Variants in EDIL3 observed in about 807,000 individuals in gnomAD.
EDIL3 encodes the protein EGF like and discoidin domains 3, also known as EGF-like repeat and discoidin I-like domain-containing protein 3.
In EDIL3, 37 loss-of-function variants were observed where a neutral mutation model predicts 67.4. The ratio of observed to expected loss-of-function variants is 0.55; its 90% CI spans 0.42 to 0.72. EDIL3 has a LOEUF of 0.72. EDIL3 is among the 30% of genes least tolerant of loss of function. The probability of loss-of-function intolerance (pLI) is 0.00; values close to 1 mark genes in which losing one functional copy is unlikely to be tolerated. For missense variants in EDIL3, 527 were observed against 586.3 expected, an observed-to-expected ratio of 0.90 and a Z score of 1.04; for synonymous variants, 195 against 196.3, an observed-to-expected ratio of 0.99 and a Z score of 0.05.
At chr5:84,101,779 C>T (rs1405849182) in intron 6 of EDIL3, among the ~76,000 whole-genome samples, 2 of 151,990 alleles carry the variant, frequency 1.3e-5, no homozygotes, top group Non-Finnish European at 2.9e-5. Flanking sequence ...AACACTACTC[C>T]AAACAATCGA....
intron 1 of EDIL3, among the ~76,000 whole-genome samples, chr5:84,346,891 T>C (rs1747250992): frequency 6.6e-6 from 1 of 152,234 alleles, no homozygotes; most frequent in Non-Finnish European, 1.5e-5. Flanking sequence ...TCAATCCTGA[T>C]GGCATATTAC....
intron 10 of EDIL3, among the ~76,000 whole-genome samples, chr5:83,944,437 C>CACT (rs1361812478): frequency 6.9e-6 from 1 of 145,086 alleles, no homozygotes; most frequent in Non-Finnish European, 1.5e-5. Flanking sequence ...TTACTATGGC[C>CACT]ACTTGCTCTT....
intron 5 of EDIL3, among the ~76,000 whole-genome samples, chr5:84,120,203 G>C (rs1195884555): frequency 1.3e-5 from 2 of 151,992 alleles, no homozygotes; most frequent in Non-Finnish European, 2.9e-5. Context: ...AAAAATTTCA[G>C]GTGGTACAAT....
chr5:84,227,536 T>C (rs1445670240), intron 3 of EDIL3, among the ~76,000 whole-genome samples: 2 of 152,136 alleles, frequency 1.3e-5, no homozygotes, highest in East Asian at 3.9e-4. Context: ...CCAAAGAACT[T>C]AAAACAGAGC....
chr5:84,172,993 C>A (rs566552036), intron 4 of EDIL3, among the ~76,000 whole-genome samples: 2 of 152,286 alleles, frequency 1.3e-5, no homozygotes, highest in South Asian at 4.1e-4. Flanking sequence ...CCTCTCAAAC[C>A]TAGTGCCATC....
At chr5:83,998,353 C>T (rs144265837) in intron 9 of EDIL3, among the ~76,000 whole-genome samples, 22 of 152,248 alleles carry the variant, frequency 1.4e-4, no homozygotes, top group East Asian at 9.7e-4. Context: ...GAACTCGCTA[C>T]GTTGAAGGGA....
chr5:84,173,457 G>C (rs2112350869), intron 4 of EDIL3, among the ~76,000 whole-genome samples: 1 of 152,224 alleles, frequency 6.6e-6, no homozygotes, highest in East Asian at 1.9e-4. Flanking sequence ...GCACCCACTG[G>C]AAGCAGACTC....
chr5:84,054,580 C>A (rs1580302280), intron 9 of EDIL3, among the ~76,000 whole-genome samples: 1 of 151,990 alleles, frequency 6.6e-6, no homozygotes, highest in Non-Finnish European at 1.5e-5. Context: ...AGCCCAAAAT[C>A]TCCTTAAGCT....
intron 1 of EDIL3, among the ~76,000 whole-genome samples, chr5:84,327,814 G>T (rs1053326354): frequency 6.6e-6 from 1 of 151,926 alleles, no homozygotes; most frequent in Non-Finnish European, 1.5e-5. Context: ...ATCCCAGGGA[G>T]ACACTTTCTT....
At chr5:84,285,909 G>A (rs899117708) in intron 1 of EDIL3, among the ~76,000 whole-genome samples, 2 of 152,172 alleles carry the variant, frequency 1.3e-5, no homozygotes, top group African/African-American at 4.8e-5. Flanking sequence ...TATGGAAATG[G>A]GGAAACACGC....
intron 3 of EDIL3, among the ~76,000 whole-genome samples, chr5:84,222,213 C>G (rs938225586): frequency 1.3e-5 from 2 of 151,800 alleles, no homozygotes; most frequent in Admixed American, 1.3e-4. Flanking sequence ...TGTATGTATA[C>G]ACAAAATACA....
At position 83,965,575 on chromosome 5, in the gene EDIL3, CCTAAA is replaced by C. The variant is rs1744674034; in HGVS notation, c.1138-2220_1138-2216del. 3.3e-5 allele frequency among the ~76,000 whole-genome samples: 5 copies of C among 152,146 alleles called. No homozygotes were observed. The South Asian group carries it at 1.0e-3, about 32-fold the overall frequency. On this transcript the variant is annotated intron_variant, in intron 9 of 10. Coordinates refer to ENST00000296591, the MANE Select transcript of EDIL3 (RefSeq NM_005711.5). The stretch of plus-strand genomic sequence containing the variant: ...ACCTCCAGGCTGAATTTCCTCAGGT[CCTAAA>C]CTTCTATAAGTCCTTAGCTAAGATG...
At chr5:84,307,833 A>G (rs1029365079) in intron 1 of EDIL3, among the ~76,000 whole-genome samples, 2 of 152,146 alleles carry the variant, frequency 1.3e-5, no homozygotes, top group African/African-American at 4.8e-5. Flanking sequence ...GCAATGAAAA[A>G]ATTGAGAAGA....
chr5:84,214,681 C>T (rs1191763936), intron 3 of EDIL3, among the ~76,000 whole-genome samples: 1 of 151,426 alleles, frequency 6.6e-6, no homozygotes, highest in African/African-American at 2.4e-5. Flanking sequence ...ATCATCACCC[C>T]TCTCTTTGTA....
intron 4 of EDIL3, among the ~76,000 whole-genome samples, chr5:84,168,745 C>A (rs538473675): frequency 2.6e-5 from 4 of 152,292 alleles, no homozygotes; most frequent in South Asian, 2.1e-4. Flanking sequence ...TTGGTCCAAG[C>A]CACCATCACC....
Position 84,352,042 on chromosome 5 carries a change from A to G in EDIL3, c.67+32266T>C, listed in dbSNP as rs929424826. Among the ~76,000 whole-genome samples the G allele has an allele frequency of 2.6e-5, 4 of 152,144 alleles. No individual in the cohort carries two copies. The South Asian group carries it at 6.2e-4, about 24-fold the overall frequency. On this transcript the variant is annotated intron_variant, in intron 1 of 10. Coordinates refer to ENST00000296591, the MANE Select transcript of EDIL3 (RefSeq NM_005711.5). ...TAACAAATATATGAAAAAATGCTCA[A>G]TATCACTAATCAACAGAGAAATGCA...
At chr5:83,946,975 G>A (rs1172240234) in intron 10 of EDIL3, among the ~76,000 whole-genome samples, 2 of 151,934 alleles carry the variant, frequency 1.3e-5, no homozygotes, top group Admixed American at 6.6e-5. Context: ...TTCAAATAGC[G>A]AGTGGTTCTA....
intron 5 of EDIL3, among the ~76,000 whole-genome samples, chr5:84,123,736 T>C (rs1341702417): frequency 1.3e-5 from 2 of 151,892 alleles, no homozygotes; most frequent in Non-Finnish European, 2.9e-5. Context: ...CAATGAGTAA[T>C]AAAAGCAGCC....
At chr5:84,145,482 T>C (rs1748275367) in intron 4 of EDIL3, among the ~76,000 whole-genome samples, 1 of 152,018 alleles carries the variant, frequency 6.6e-6, no homozygotes. Flanking sequence ...GGAGAGTTAA[T>C]AGAGAACTCA....
Sources: allele counts gnomAD v4.1 joint callset (sites outside exome capture counted in the v4.1 genomes callset), GRCh38; gene constraint gnomAD v4.1.1; transcripts MANE v1.5; gene names NCBI Gene and HGNC (gene_info 2026-07-23, HGNC 2026-07-21).